GAN: variants seen among roughly 807,000 people sequenced by gnomAD.
The protein encoded by GAN is epididymis secretory sperm binding protein.
Under a neutral mutation model 71.3 loss-of-function variants are expected in GAN, and 48 were observed. The ratio of observed to expected loss-of-function variants is 0.67; its 90% CI spans 0.53 to 0.86. The LOEUF is 0.86. Among genes scored for constraint, GAN ranks in the 40% least tolerant of loss-of-function variants. The pLI is 0.00. For synonymous variants in GAN, 386 were observed against 276.8 expected, an observed-to-expected ratio of 1.39 and a Z score of -3.92; for missense variants, 928 against 770.1, an observed-to-expected ratio of 1.21 and a Z score of -2.43.
At chr16:81,373,289 C>T (rs554969804) in intron 9 of GAN, among the ~76,000 whole-genome samples, 1 of 152,150 alleles carries the variant, frequency 6.6e-6, no homozygotes, top group Non-Finnish European at 1.5e-5. Context: ...ACTCTTAAGA[C>T]CATTTAGATG....
rs1168444056 is a variant in GAN at position 81,385,076 on chromosome 16, C to T, written c.*7480C>T. On this transcript the variant is annotated 3_prime_UTR_variant, in exon 11 of 11. Coordinates refer to ENST00000648994, the MANE Select transcript of GAN (RefSeq NM_022041.4). The stretch of plus-strand genomic sequence containing the variant: ...GGTAAAATCTGGTGCTTAAGTTGTA[C>T]CAAGTATAGCCAAGTTTAACTGTCG... 6.5e-6 allele frequency: 1 copy of T among 153,948 alleles called. No homozygotes were observed. The highest frequency in any genetic ancestry group is 2.4e-5 in the African/African-American group (1 of 41,438). 9.5% of individuals were successfully genotyped at this position (153,948 alleles called of 1,614,324 possible).
At chr16:81,322,448 C>G (rs988462164) in intron 1 of GAN, among the ~76,000 whole-genome samples, 2 of 152,122 alleles carry the variant, frequency 1.3e-5, no homozygotes, top group African/African-American at 2.4e-5. Flanking sequence ...AGGGCCAATG[C>G]GTATCATAAA....
In GAN at chr16:81,382,501, T is replaced by G. The variant is rs1417983213; in HGVS notation, c.*4905T>G. The G allele has an allele frequency of 6.6e-6, 1 of 152,242 alleles. No individual in the cohort carries two copies. Among genetic ancestry groups the G allele is most frequent in the East Asian group, 1.9e-4 (1 of 5,204 alleles). 9.4% of individuals were successfully genotyped at this position (152,242 alleles called of 1,614,324 possible). On this transcript the variant is annotated 3_prime_UTR_variant, in exon 11 of 11. Coordinates refer to ENST00000648994, the MANE Select transcript of GAN (RefSeq NM_022041.4). ...AAACTGTTTTTTTATTTCAAAGAGC[T>G]TCATGTATACTTCCCTCTCTTATTC...
intron 1 of GAN, among the ~76,000 whole-genome samples, chr16:81,346,652 C>T (rs142039139): frequency 0.018 from 2,808 of 152,312 alleles, 49 homozygotes; most frequent in East Asian, 0.083. Flanking sequence ...TTGTCTTCCA[C>T]GAAACCAGTC....
At chr16:81,338,635 T>C (rs1909843658) in intron 1 of GAN, among the ~76,000 whole-genome samples, 1 of 152,150 alleles carries the variant, frequency 6.6e-6, no homozygotes, top group African/African-American at 2.4e-5. Context: ...TAAAGGTATA[T>C]AGAGATTTAA....
At chr16:81,358,091 C>T (rs1268672424) in intron 5 of GAN, among the ~76,000 whole-genome samples, 160 bp downstream of exon 5, 2 of 152,092 alleles carry the variant, frequency 1.3e-5, no homozygotes, top group Admixed American at 1.3e-4. Context: ...TTAGGAAAAC[C>T]GTATTTTCTG....
intron 1 of GAN, among the ~76,000 whole-genome samples, chr16:81,338,612 A>G (rs2150676499): frequency 1.3e-5 from 2 of 152,322 alleles, no homozygotes; most frequent in South Asian, 2.1e-4. Flanking sequence ...TGCAAAACAG[A>G]ATGGAATAAA....
chr16:81,339,041 A>T (rs1434573734), intron 1 of GAN, among the ~76,000 whole-genome samples: 1 of 152,234 alleles, frequency 6.6e-6, no homozygotes, highest in Non-Finnish European at 1.5e-5. Context: ...GAATTTATCT[A>T]TGAATTAAGT....
At chr16:81,353,154 G>C (rs1437958131) in intron 2 of GAN, among the ~76,000 whole-genome samples, 2 of 152,170 alleles carry the variant, frequency 1.3e-5, no homozygotes, top group South Asian at 2.1e-4. Context: ...AGCCGGGCGA[G>C]GTGGCGGGCG....
intron 1 of GAN, among the ~76,000 whole-genome samples, chr16:81,330,879 A>G (rs1167035759): frequency 1.3e-5 from 2 of 152,226 alleles, no homozygotes; most frequent in African/African-American, 4.8e-5. Context: ...TCCGTAGTGT[A>G]TCTGCTAAAA....
At chr16:81,343,614 A>G (rs576792723) in intron 1 of GAN, among the ~76,000 whole-genome samples, 27 of 152,358 alleles carry the variant, frequency 1.8e-4, no homozygotes, top group South Asian at 1.2e-3. Flanking sequence ...GGTGGAACAT[A>G]TCTCAACATA....
chr16:81,345,077 C>T (rs1019979724), intron 1 of GAN, among the ~76,000 whole-genome samples: 5 of 152,044 alleles, frequency 3.3e-5, no homozygotes, highest in Admixed American at 2.0e-4. Flanking sequence ...GTTAGAACGG[C>T]GATCATTAAA....
chr16:81,370,318 A>G (rs310031), intron 9 of GAN, among the ~76,000 whole-genome samples: 139,111 of 152,280 alleles, frequency 0.91, 63,710 homozygotes, highest in African/African-American at 0.98. Flanking sequence ...TAGAGGATAA[A>G]AGATGAACCC....
intron 9 of GAN, among the ~76,000 whole-genome samples, chr16:81,365,991 C>T (rs1251163231): frequency 6.6e-6 from 1 of 152,200 alleles, no homozygotes; most frequent in African/African-American, 2.4e-5. Context: ...CCACTTTCCC[C>T]TGCAAACATG....
chr16:81,347,826 C>G (rs996037193), intron 1 of GAN, among the ~76,000 whole-genome samples: 26 of 151,748 alleles, frequency 1.7e-4, no homozygotes, highest in Admixed American at 9.8e-4. Flanking sequence ...TTCTTTATTT[C>G]TCGTATCCTG....
chr16:81,333,174 G>A (rs747365663), intron 1 of GAN, among the ~76,000 whole-genome samples: 3 of 151,118 alleles, frequency 2.0e-5, no homozygotes, highest in Admixed American at 6.6e-5. Context: ...CCCAGGAGAT[G>A]GAGGTTGCAG....
intron 9 of GAN, among the ~76,000 whole-genome samples, chr16:81,369,370 T>G (rs1041220843): frequency 6.6e-6 from 1 of 151,944 alleles, no homozygotes; most frequent in Non-Finnish European, 1.5e-5. Context: ...CATGAAAGAG[T>G]AGAAAATGCA....
At chr16:81,325,165 T>A (rs1359828680) in intron 1 of GAN, among the ~76,000 whole-genome samples, 1 of 152,238 alleles carries the variant, frequency 6.6e-6, no homozygotes, top group African/African-American at 2.4e-5. Flanking sequence ...TTAGGAAGAC[T>A]AGTGAAATAC....
intron 5 of GAN, among the ~76,000 whole-genome samples, chr16:81,359,660 T>C (rs557089565): frequency 2.0e-5 from 3 of 152,254 alleles, no homozygotes; most frequent in African/African-American, 7.2e-5. Context: ...CTAATAAATA[T>C]GTACAGTAGA....
Sources: allele counts gnomAD v4.1 joint callset (sites outside exome capture counted in the v4.1 genomes callset), GRCh38; gene constraint gnomAD v4.1.1; transcripts MANE v1.5; gene names NCBI Gene and HGNC (gene_info 2026-07-23, HGNC 2026-07-21).